SH3KBP1: variants seen among roughly 807,000 people sequenced by gnomAD.
The protein encoded by SH3KBP1 is SH3 domain containing kinase binding protein 1.
Under a neutral mutation model 50.1 loss-of-function variants are expected in SH3KBP1, and 8 were observed. The ratio of observed to expected loss-of-function variants is 0.16; its 90% confidence interval spans 0.09 to 0.29. The LOEUF is 0.29. Among genes scored for constraint, SH3KBP1 ranks in the 10% least tolerant of loss-of-function variants. The pLI is 1.00. For missense variants in SH3KBP1, 377 were observed against 535.2 expected (o/e 0.70, Z 2.92); for synonymous variants, 227 against 218.6 (o/e 1.04, Z -0.34).
intron 3 of SH3KBP1, among the ~76,000 whole-genome samples, chrX:19,741,052 G>A (rs956531076): frequency 1.8e-5 from 2 of 112,741 alleles, no homozygotes; most frequent in Non-Finnish European, 3.7e-5. Context: ...TGGCAAACAC[G>A]AGGTCCATAT....
At chrX:19,596,146 G>C (rs2066900250) in intron 9 of SH3KBP1, among the ~76,000 whole-genome samples, 1 of 111,522 alleles carries the variant, frequency 9.0e-6, no homozygotes, top group African/African-American at 3.3e-5. Flanking sequence ...AAAAGTATCA[G>C]TGAAGTTCTG....
At chrX:19,826,568 AGT>A (rs1416788875) in intron 2 of SH3KBP1, among the ~76,000 whole-genome samples, 1 of 110,671 alleles carries the variant, frequency 9.0e-6, no homozygotes, top group African/African-American at 3.3e-5. Context: ...GTATAGTCCC[AGT>A]TACTCGGGAG....
chrX:19,829,996 T>C (rs1220060293), intron 2 of SH3KBP1, among the ~76,000 whole-genome samples: 3 of 110,904 alleles, frequency 2.7e-5, no homozygotes, highest in Non-Finnish European at 5.7e-5. Context: ...CCGTTGGGAG[T>C]GTAGCAGTGA....
In SH3KBP1 at chrX:19,795,438, A is replaced by G. The variant is rs200193084; in HGVS notation, c.162+40687T>C. Among the ~76,000 whole-genome samples the G allele has an allele frequency of 5.4e-5, 6 of 111,499 alleles. No homozygotes were observed. In the East Asian group the frequency reaches 1.7e-3, roughly 31 times the overall value. The stretch of plus-strand genomic sequence containing the variant: ...TTCAGTAAAATTGGTCTCAATTACT[A>G]TGACCACAAATTCTCACACCCTAAT... On this transcript the variant is annotated intron_variant, in intron 2 of 17. Transcript: ENST00000397821.
At chrX:19,571,350 C>T (rs1403318807) in intron 12 of SH3KBP1, among the ~76,000 whole-genome samples, 1 of 111,811 alleles carries the variant, frequency 8.9e-6, no homozygotes, top group Non-Finnish European at 1.9e-5. Context: ...TGTGGGCTCC[C>T]CTAGGCTAGG....
intron 7 of SH3KBP1, among the ~76,000 whole-genome samples, chrX:19,633,989 A>C (rs1269584582): frequency 9.6e-6 from 1 of 104,667 alleles, no homozygotes; most frequent in African/African-American, 3.5e-5. Flanking sequence ...ATGTGAGAGG[A>C]AATCTGCTGG....
At chrX:19,678,590 A>T (rs2062981022) in intron 6 of SH3KBP1, among the ~76,000 whole-genome samples, 1 of 111,109 alleles carries the variant, frequency 9.0e-6, no homozygotes, top group Non-Finnish European at 1.9e-5. Flanking sequence ...AATCTTTTCA[A>T]TAAACAGTGC....
At chrX:19,881,841 A>G (rs1284984751) in intron 1 of SH3KBP1, among the ~76,000 whole-genome samples, 1 of 111,953 alleles carries the variant, frequency 8.9e-6, no homozygotes, top group Non-Finnish European at 1.9e-5. Flanking sequence ...GTTCTAGAAG[A>G]CAAAGACTTC....
chrX:19,668,976 T>TATATATATATATATATA (rs1569405166), intron 6 of SH3KBP1, among the ~76,000 whole-genome samples: 1 of 60,635 alleles, frequency 1.6e-5, no homozygotes, highest in Non-Finnish European at 3.3e-5. Context: ...ATATATATAT[T>TATATATATATATATATA]TTTTGAGACA....
intron 12 of SH3KBP1, among the ~76,000 whole-genome samples, chrX:19,575,547 C>A (rs2066172575): frequency 9.0e-6 from 1 of 111,557 alleles, no homozygotes; most frequent in South Asian, 3.7e-4. Context: ...TCCAACTGAG[C>A]CCTGATCCCT....
chrX:19,583,839 TTTA>T (rs946485860), intron 12 of SH3KBP1, among the ~76,000 whole-genome samples: 15 of 102,834 alleles, frequency 1.5e-4, no homozygotes, highest in Admixed American at 6.7e-4. Flanking sequence ...TACTAATATA[TTTA>T]TTAACACATA....
chrX:19,787,035 T>C (rs1432162910), intron 2 of SH3KBP1, among the ~76,000 whole-genome samples: 1 of 112,146 alleles, frequency 8.9e-6, no homozygotes, highest in Non-Finnish European at 1.9e-5. Context: ...GTGACTATTA[T>C]ACAGCTTAAT....
intron 15 of SH3KBP1, among the ~76,000 whole-genome samples, chrX:19,543,135 G>A (rs73631342): frequency 0.035 from 3,883 of 111,328 alleles, 170 homozygotes; most frequent in African/African-American, 0.12. Flanking sequence ...AGTGCTGGGG[G>A]CAGGAGTGGG....
intron 2 of SH3KBP1, among the ~76,000 whole-genome samples, chrX:19,771,067 C>T (rs2148888865): frequency 9.0e-6 from 1 of 111,687 alleles, no homozygotes; most frequent in Non-Finnish European, 1.9e-5. Flanking sequence ...GGGGTTGAGC[C>T]TTCTCCTACA....
At chrX:19,885,143 A>G (rs141846397) in intron 1 of SH3KBP1, among the ~76,000 whole-genome samples, 79 of 111,109 alleles carry the variant, frequency 7.1e-4, no homozygotes, top group African/African-American at 2.6e-3. Flanking sequence ...ATTGCATCAA[A>G]TTGATAAACT....
Position 19,705,598 on chromosome X carries a change from G to T in SH3KBP1, c.390+1283C>A, listed in dbSNP as rs1030544587. Among the ~76,000 whole-genome samples the T allele has an allele frequency of 1.5e-4, 17 of 111,352 alleles. No individual in the cohort carries two copies. The East Asian group carries it at 1.7e-3, about 11-fold the overall frequency. The stretch of plus-strand genomic sequence containing the variant: ...CAAAATTCGGAAGTAGGTAAAAGGG[G>T]TTCCTGCATGCCCTCCCAGTGCCAC... On this transcript the variant is annotated intron_variant, in intron 4 of 17. Transcript: ENST00000397821.
chrX:19,670,151 T>G (rs2062749304), intron 6 of SH3KBP1, among the ~76,000 whole-genome samples: 1 of 111,504 alleles, frequency 9.0e-6, no homozygotes, highest in Non-Finnish European at 1.9e-5. Context: ...ACAAGACCAC[T>G]TATTTCTAGC....
intron 2 of SH3KBP1, among the ~76,000 whole-genome samples, chrX:19,821,385 C>T (rs868812068): frequency 2.7e-5 from 3 of 111,261 alleles, no homozygotes; most frequent in African/African-American, 6.5e-5. Flanking sequence ...AGCAAGATTC[C>T]GTCTCAACAA....
chrX:19,803,267 T>C (rs2066942614), intron 2 of SH3KBP1, among the ~76,000 whole-genome samples: 1 of 111,866 alleles, frequency 8.9e-6, no homozygotes, highest in African/African-American at 3.3e-5. Flanking sequence ...TTTAGAGACA[T>C]TGTCTCACTA....
Sources: allele counts gnomAD v4.1 joint callset (sites outside exome capture counted in the v4.1 genomes callset), GRCh38; gene constraint gnomAD v4.1.1; transcripts MANE v1.5; gene names NCBI Gene and HGNC (gene_info 2026-07-23, HGNC 2026-07-21).